The following LRRC37A2 variants were observed in gnomAD, a reference collection of about 807,000 sequenced individuals.
The protein encoded by LRRC37A2 is leucine-rich repeat-containing protein 37A2.
A neutral mutation model predicts 68.8 loss-of-function variants in LRRC37A2; 9 were observed. The ratio of observed to expected loss-of-function variants is 0.13; its 90% CI spans 0.08 to 0.23. The LOEUF (loss-of-function observed/expected upper bound fraction) is 0.23. Ranked by LOEUF, LRRC37A2 falls within the 10% of genes least tolerant of loss-of-function variation. The pLI is 1.00. For missense variants in LRRC37A2, 168 were observed against 950.4 expected (o/e 0.18, Z 10.82); for synonymous variants, 63 against 367.6 (o/e 0.17, Z 9.48).
chr17:46,825,714 G>A, the LRRC37A2 span, among the ~76,000 whole-genome samples: 3 of 152,200 alleles, frequency 2.0e-5, no homozygotes, highest in East Asian at 3.8e-4. Context: ...GACCAAATAC[G>A]TAAATGTTTC....
At chr17:46,722,156 C>G in the LRRC37A2 span, 1 of 1,611,770 alleles carries the variant, frequency 6.2e-7, no homozygotes, top group Non-Finnish European at 8.5e-7. Flanking sequence ...TCTTGGCGCT[C>G]GAACTGAACA....
the LRRC37A2 span, among the ~76,000 whole-genome samples, chr17:46,944,586 C>T: frequency 1.3e-5 from 2 of 151,374 alleles, no homozygotes; most frequent in African/African-American, 2.4e-5. Flanking sequence ...ACAGTGGGGC[C>T]TGGGCTTCAG....
chr17:46,868,480 C>T, the LRRC37A2 span, among the ~76,000 whole-genome samples: 12 of 152,196 alleles, frequency 7.9e-5, no homozygotes, highest in African/African-American at 2.6e-4. Context: ...CCCATAATCC[C>T]AGCTACTCGG....
At chr17:46,928,748 G>A in the LRRC37A2 span, among the ~76,000 whole-genome samples, 5 of 152,134 alleles carry the variant, frequency 3.3e-5, no homozygotes, top group Admixed American at 6.5e-5. Context: ...CCCCCAACCC[G>A]ATTCCCTTTC....
At chr17:46,920,623 T>A in the LRRC37A2 span, among the ~76,000 whole-genome samples, 1 of 152,100 alleles carries the variant, frequency 6.6e-6, no homozygotes, top group Non-Finnish European at 1.5e-5. Context: ...CAGAGAAGTG[T>A]CCAAACCCAG....
the LRRC37A2 span, chr17:47,017,890 T>C: frequency 6.2e-7 from 1 of 1,612,070 alleles, no homozygotes. Flanking sequence ...CTTGAAGACA[T>C]CCAGTCCTCT....
the LRRC37A2 span, among the ~76,000 whole-genome samples, chr17:46,913,378 C>A: frequency 6.6e-6 from 1 of 152,190 alleles, no homozygotes; most frequent in African/African-American, 2.4e-5. Flanking sequence ...ACAACTGGGA[C>A]CCCTGTGACG....
At chr17:46,851,600 G>A in the LRRC37A2 span, 4 of 1,185,096 alleles carry the variant, frequency 3.4e-6, no homozygotes, top group African/African-American at 1.6e-5. This position sits in a 1 kb window ranked among gnomAD's most constrained non-coding sequence, Gnocchi z 4.3. Flanking sequence ...AGCTTGAGCG[G>A]CGCGAGGAGA....
chr17:46,891,082 C>A, the LRRC37A2 span, among the ~76,000 whole-genome samples: 1 of 151,272 alleles, frequency 6.6e-6, no homozygotes, highest in African/African-American at 2.4e-5. Context: ...TGGGGAGAGA[C>A]AGGAGGGCGA....
At chr17:46,879,762 A>C in the LRRC37A2 span, among the ~76,000 whole-genome samples, 1 of 152,228 alleles carries the variant, frequency 6.6e-6, no homozygotes, top group African/African-American at 2.4e-5. Flanking sequence ...CTGTGAGCCC[A>C]AGAACTCAGG....
the LRRC37A2 span, among the ~76,000 whole-genome samples, chr17:47,011,143 G>A: frequency 1.3e-5 from 2 of 152,184 alleles, no homozygotes; most frequent in Admixed American, 1.3e-4. Flanking sequence ...GAAGGCGATG[G>A]ATGGAAGAAC....
At chr17:46,985,184 G>C in the LRRC37A2 span, among the ~76,000 whole-genome samples, 2 of 152,178 alleles carry the variant, frequency 1.3e-5, no homozygotes, top group African/African-American at 2.4e-5. Flanking sequence ...AAGAGACTTC[G>C]AGGTTGGCCC....
At chr17:46,851,903 C>T in the LRRC37A2 span, among the ~76,000 whole-genome samples, 318 of 152,328 alleles carry the variant, frequency 2.1e-3, 1 homozygote, top group Non-Finnish European at 3.9e-3. The surrounding 1 kb of genome is among the most constrained non-coding windows in gnomAD (Gnocchi z 4.3). Flanking sequence ...TCTCCAGCTT[C>T]CCCGGCTCCG....
the LRRC37A2 span, among the ~76,000 whole-genome samples, chr17:47,025,287 T>C: frequency 1.3e-5 from 2 of 152,158 alleles, no homozygotes; most frequent in Non-Finnish European, 2.9e-5. Context: ...TAACTTCAGA[T>C]TGTTGCCTAA....
chr17:46,754,477 ATATTT>A, the LRRC37A2 span, among the ~76,000 whole-genome samples: 1 of 152,238 alleles, frequency 6.6e-6, no homozygotes, highest in Non-Finnish European at 1.5e-5. Flanking sequence ...GCTCTGAAAC[ATATTT>A]TAAAAGTTAG....
chr17:46,864,950 C>T, the LRRC37A2 span, among the ~76,000 whole-genome samples: 2,321 of 152,262 alleles, frequency 0.015, 62 homozygotes, highest in African/African-American at 0.051. Flanking sequence ...CCAGCTCTAA[C>T]GTATAATGGT....
chr17:46,851,566 C>T, the LRRC37A2 span: 1 of 854,918 alleles, frequency 1.2e-6, no homozygotes, highest in Non-Finnish European at 1.5e-6. The surrounding 1 kb of genome is among the most constrained non-coding windows in gnomAD (Gnocchi z 4.3). Flanking sequence ...TAAAGTCCCG[C>T]GGGCGGGTGG....
the LRRC37A2 span, among the ~76,000 whole-genome samples, chr17:46,950,217 G>A: frequency 2.0e-5 from 3 of 152,174 alleles, no homozygotes; most frequent in African/African-American, 7.2e-5. Context: ...GTCACTTCTC[G>A]TTCCTATCCC....
chr17:46,996,811 C>G, the LRRC37A2 span, among the ~76,000 whole-genome samples: 1 of 152,196 alleles, frequency 6.6e-6, no homozygotes, highest in African/African-American at 2.4e-5. Flanking sequence ...ACATCCAGCC[C>G]TCACTTTCTA....
Sources: allele counts gnomAD v4.1 joint callset (sites outside exome capture counted in the v4.1 genomes callset), GRCh38; gene constraint gnomAD v4.1.1; non-coding constraint Gnocchi (gnomAD v3.1); transcripts MANE v1.5; gene names NCBI Gene and HGNC (gene_info 2026-07-23, HGNC 2026-07-21).